RYR3: variants seen among roughly 807,000 people sequenced by gnomAD.
RYR3 encodes the protein ryanodine receptor 3.
A neutral mutation model predicts 584.3 loss-of-function variants in RYR3; 207 were observed. The ratio of observed to expected loss-of-function variants is 0.35; its 90% CI spans 0.32 to 0.40. The LOEUF (loss-of-function observed/expected upper bound fraction) is 0.40. RYR3 is among the 10% of genes least tolerant of loss of function. The probability of loss-of-function intolerance (pLI) is 1.00; values close to 1 mark genes in which losing one functional copy is unlikely to be tolerated. For missense variants in RYR3, 5,616 were observed against 6,089.2 expected (o/e 0.92, Z 2.59); for synonymous variants, 2,416 against 2,248.5 (o/e 1.07, Z -2.11).
At chr15:33,328,938 T>G (rs1970065183) in intron 1 of RYR3, among the ~76,000 whole-genome samples, 1 of 152,218 alleles carries the variant, frequency 6.6e-6, no homozygotes, top group Non-Finnish European at 1.5e-5. Context: ...CTTGCTTTCC[T>G]TTTTCAGTCT....
intron 38 of RYR3, among the ~76,000 whole-genome samples, chr15:33,691,527 CA>C (rs1186181695): frequency 2.6e-5 from 4 of 152,050 alleles, no homozygotes; most frequent in African/African-American, 9.7e-5. Flanking sequence ...TTTTTCATTT[CA>C]TTTTTTTCAT....
At chr15:33,510,718 A>G (rs1053974820) in intron 3 of RYR3, among the ~76,000 whole-genome samples, 7 of 152,038 alleles carry the variant, frequency 4.6e-5, no homozygotes, top group African/African-American at 1.4e-4. Flanking sequence ...GATAAATTAA[A>G]TATTATTATA....
intron 1 of RYR3, among the ~76,000 whole-genome samples, chr15:33,312,957 A>G (rs573681361): frequency 1.0e-3 from 159 of 152,326 alleles, no homozygotes; most frequent in South Asian, 5.4e-3. Context: ...CCTAGAGATC[A>G]GAGCTGGCAG....
At chr15:33,315,422 A>G (rs878997970) in intron 1 of RYR3, among the ~76,000 whole-genome samples, 1 of 152,188 alleles carries the variant, frequency 6.6e-6, no homozygotes, top group Admixed American at 6.5e-5. Context: ...GTGAGTAGCA[A>G]TGGAGGTAGT....
chr15:33,726,415 C>G lies in RYR3; in HGVS notation c.6942C>G (p.Ile2314Met), dbSNP rs185038162. Residue 2314 changes from isoleucine (I) to methionine (M), a missense_variant, in exon 46 of 104, where the codon ATC becomes ATG. Transcript: ENST00000634891. The part of the protein sequence containing the change: ...HLIQTGKGEA[I>M]RIRSILRSLV... Reference sequence around the variant, plus strand: ...TCCAGACAGGAAAGGGGGAAGCCATCCGCATCAGGTCCATCCTGCGCTCCC... The same window carrying G: ...TCCAGACAGGAAAGGGGGAAGCCATGCGCATCAGGTCCATCCTGCGCTCCC... 19 of 1,612,980 alleles carry G rather than the reference C, an allele frequency of 1.2e-5. No homozygotes were observed. In the Admixed American group the frequency reaches 2.0e-4, roughly 17 times the overall value.
At chr15:33,435,966 T>G (rs911841247) in intron 1 of RYR3, among the ~76,000 whole-genome samples, 3 of 152,208 alleles carry the variant, frequency 2.0e-5, no homozygotes, top group Non-Finnish European at 4.4e-5. Context: ...AGAGTTCTGA[T>G]TCGTCAATTT....
chr15:33,693,212 G>T (rs1038010172), intron 38 of RYR3, among the ~76,000 whole-genome samples: 1 of 152,250 alleles, frequency 6.6e-6, no homozygotes, highest in Non-Finnish European at 1.5e-5. Flanking sequence ...AACTAGGAGT[G>T]CATCCATACG....
intron 60 of RYR3, among the ~76,000 whole-genome samples, chr15:33,759,160 G>A (rs1051544326): frequency 2.6e-5 from 4 of 152,170 alleles, no homozygotes; most frequent in South Asian, 2.1e-4. Context: ...ATCAAAGATC[G>A]AAGGTAGATA....
chr15:33,754,124 A>G (rs1029999786), intron 57 of RYR3, among the ~76,000 whole-genome samples: 1 of 152,174 alleles, frequency 6.6e-6, no homozygotes, highest in Non-Finnish European at 1.5e-5. Flanking sequence ...AATCTGGGCG[A>G]CAGAGTGAGA....
chr15:33,340,280 G>T (rs2140822569), intron 1 of RYR3, among the ~76,000 whole-genome samples: 1 of 152,330 alleles, frequency 6.6e-6, no homozygotes, highest in East Asian at 1.9e-4. Flanking sequence ...CAGAGGGTCA[G>T]GGGCTCCAGG....
intron 42 of RYR3, among the ~76,000 whole-genome samples, chr15:33,701,384 T>C (rs938978515): frequency 6.6e-6 from 1 of 152,094 alleles, no homozygotes; most frequent in Non-Finnish European, 1.5e-5. Flanking sequence ...AATAAAGTTC[T>C]GCGTAATTTA....
At chr15:33,592,760 A>G (rs952322944) in intron 16 of RYR3, among the ~76,000 whole-genome samples, 4 of 152,028 alleles carry the variant, frequency 2.6e-5, no homozygotes, top group African/African-American at 9.7e-5. Context: ...ACTTATCTGC[A>G]CTCCCTTTTC....
chr15:33,649,009 C>T (rs1345219441), intron 30 of RYR3, 63 bp from the exon 31 acceptor site: 5 of 1,503,330 alleles, frequency 3.3e-6, no homozygotes, highest in African/African-American at 2.8e-5. Context: ...GCCTCTTGGG[C>T]CCCCTATCTT....
intron 1 of RYR3, among the ~76,000 whole-genome samples, chr15:33,445,468 A>T (rs1311995934): frequency 6.6e-6 from 1 of 152,138 alleles, no homozygotes; most frequent in South Asian, 2.1e-4. Flanking sequence ...CAGTAGAGAC[A>T]CATGTCTGAT....
chr15:33,496,857 G>T (rs1405234444), intron 2 of RYR3, among the ~76,000 whole-genome samples: 2 of 151,968 alleles, frequency 1.3e-5, no homozygotes, highest in Admixed American at 1.3e-4. Context: ...ATTTAGCATT[G>T]AATTTCCTTT....
chr15:33,615,259 A>G (rs1031468929), intron 19 of RYR3, among the ~76,000 whole-genome samples: 8 of 152,172 alleles, frequency 5.3e-5, no homozygotes, highest in Non-Finnish European at 8.8e-5. Flanking sequence ...CAAAGAAACC[A>G]TTTCAGGGAT....
At chr15:33,695,086 T>A (rs916067434) in intron 38 of RYR3, among the ~76,000 whole-genome samples, 2 of 152,212 alleles carry the variant, frequency 1.3e-5, no homozygotes, top group African/African-American at 4.8e-5. Flanking sequence ...TTTCACTGAT[T>A]GACTGAGTGA....
At chr15:33,817,566 C>T (rs564619211) in intron 75 of RYR3, among the ~76,000 whole-genome samples, 1 of 152,334 alleles carries the variant, frequency 6.6e-6, no homozygotes, top group East Asian at 1.9e-4. Flanking sequence ...TTTTCTCTTA[C>T]CACTCACTCT....
intron 31 of RYR3, among the ~76,000 whole-genome samples, chr15:33,651,039 C>G (rs1161986831): frequency 6.6e-6 from 1 of 152,226 alleles, no homozygotes; most frequent in Admixed American, 6.5e-5. Context: ...TTCCAGTTTG[C>G]TGGCTCTACC....
Sources: allele counts gnomAD v4.1 joint callset (sites outside exome capture counted in the v4.1 genomes callset), GRCh38; gene constraint gnomAD v4.1.1; transcripts MANE v1.5; gene names NCBI Gene and HGNC (gene_info 2026-07-23, HGNC 2026-07-21).